LSAMP: variants seen among roughly 807,000 people sequenced by gnomAD.
The protein encoded by LSAMP is limbic system associated membrane protein.
Under a neutral mutation model 38.6 loss-of-function variants are expected in LSAMP, and 7 were observed. The observed-to-expected ratio is 0.18, with a 90% confidence interval of 0.10 to 0.34. The LOEUF is 0.34. Among genes scored for constraint, LSAMP ranks in the 10% least tolerant of loss-of-function variants. LSAMP has a pLI of 1.00. For synonymous variants in LSAMP, 154 were observed against 166.8 expected, an observed-to-expected ratio of 0.92 and a Z score of 0.59; for missense variants, 313 against 420.0, an observed-to-expected ratio of 0.75 and a Z score of 2.23.
At chr3:116,129,846 G>C (rs1442468866) in intron 1 of LSAMP, among the ~76,000 whole-genome samples, 4 of 152,214 alleles carry the variant, frequency 2.6e-5, no homozygotes, top group African/African-American at 9.6e-5. Context: ...CTCTTCTGGA[G>C]GTCAGCCCAG....
chr3:116,167,505 C>T (rs1710088984), intron 1 of LSAMP, among the ~76,000 whole-genome samples: 1 of 151,792 alleles, frequency 6.6e-6, no homozygotes, highest in Non-Finnish European at 1.5e-5. Context: ...TGTAGCTGGC[C>T]TTTCTATCTG....
At chr3:116,386,301 A>G (rs1289235264) in intron 1 of LSAMP, among the ~76,000 whole-genome samples, 17 of 152,088 alleles carry the variant, frequency 1.1e-4, no homozygotes, top group Admixed American at 1.1e-3. Context: ...TCTGACCAGA[A>G]TTTTCTGATT....
intron 3 of LSAMP, among the ~76,000 whole-genome samples, chr3:115,925,553 A>G (rs778846626): frequency 3.9e-5 from 6 of 152,216 alleles, no homozygotes; most frequent in Non-Finnish European, 8.8e-5. Context: ...TAAAAATACT[A>G]TATTTGATAT....
intron 1 of LSAMP, among the ~76,000 whole-genome samples, chr3:116,286,756 T>C (rs1405010619): frequency 6.6e-6 from 1 of 152,070 alleles, no homozygotes; most frequent in African/African-American, 2.4e-5. Flanking sequence ...AAAGCAGAGG[T>C]TTGTTATAAA....
chr3:116,225,293 G>C (rs2046330522), intron 1 of LSAMP, among the ~76,000 whole-genome samples: 1 of 152,150 alleles, frequency 6.6e-6, no homozygotes, highest in Non-Finnish European at 1.5e-5. Flanking sequence ...ACATAGCAGA[G>C]GACATTTTAA....
At chr3:115,979,067 AAG>A (rs1201823648) in intron 3 of LSAMP, among the ~76,000 whole-genome samples, 3 of 152,164 alleles carry the variant, frequency 2.0e-5, no homozygotes, top group Non-Finnish European at 1.5e-5. Flanking sequence ...TGCATGAATA[AAG>A]AGATATTGAA....
intron 1 of LSAMP, among the ~76,000 whole-genome samples, chr3:116,189,571 T>C (rs867950905): frequency 1.3e-5 from 2 of 152,188 alleles, no homozygotes; most frequent in Non-Finnish European, 1.5e-5. Context: ...TCCCAGAAAC[T>C]CAGCCCTGTG....
At chr3:116,165,267 G>A (rs1483406094) in intron 1 of LSAMP, among the ~76,000 whole-genome samples, 2 of 152,142 alleles carry the variant, frequency 1.3e-5, no homozygotes, top group African/African-American at 2.4e-5. Flanking sequence ...CCAGCTATAC[G>A]CTGCAGTTGT....
intron 6 of LSAMP, among the ~76,000 whole-genome samples, chr3:115,815,372 G>T (rs957647961): frequency 6.6e-6 from 1 of 152,092 alleles, no homozygotes; most frequent in South Asian, 2.1e-4. Flanking sequence ...AGGATAAGTG[G>T]GAACTACTAC....
At chr3:116,200,139 T>C (rs2045970334) in intron 1 of LSAMP, among the ~76,000 whole-genome samples, 1 of 151,620 alleles carries the variant, frequency 6.6e-6, no homozygotes, top group Non-Finnish European at 1.5e-5. Flanking sequence ...GCTACATGTA[T>C]AGCAGGAATT....
intron 6 of LSAMP, 34 bp from the exon 7 acceptor site, chr3:115,810,448 T>C (rs374576471): frequency 1.1e-5 from 16 of 1,419,326 alleles, no homozygotes; most frequent in African/African-American, 2.8e-5. Flanking sequence ...AAAAAGAGAA[T>C]GAGTTACATG....
intron 3 of LSAMP, among the ~76,000 whole-genome samples, chr3:115,988,966 T>A (rs1939590607): frequency 6.6e-6 from 1 of 152,038 alleles, no homozygotes; most frequent in Non-Finnish European, 1.5e-5. Flanking sequence ...TATATTCCCT[T>A]CTCACCAATA....
At chr3:116,079,896 CA>C (rs903810622) in intron 2 of LSAMP, among the ~76,000 whole-genome samples, 1 of 151,896 alleles carries the variant, frequency 6.6e-6, no homozygotes, top group African/African-American at 2.4e-5. Context: ...TTTAAGAGTA[CA>C]TTTTTAAGGT....
chr3:115,885,571 G>C (rs1451466353), intron 3 of LSAMP, among the ~76,000 whole-genome samples: 1 of 143,074 alleles, frequency 7.0e-6, no homozygotes, highest in Non-Finnish European at 1.5e-5. Flanking sequence ...TCAGAATCCA[G>C]ACTGGATTCA....
intron 3 of LSAMP, among the ~76,000 whole-genome samples, chr3:115,949,021 A>G (rs1160520600): frequency 2.0e-5 from 3 of 152,056 alleles, no homozygotes; most frequent in African/African-American, 7.2e-5. Context: ...TAATCCCAGC[A>G]CTTTGGGAGG....
intron 1 of LSAMP, among the ~76,000 whole-genome samples, chr3:116,126,210 T>G (rs1417704285): frequency 6.6e-6 from 1 of 152,228 alleles, no homozygotes; most frequent in Non-Finnish European, 1.5e-5. Flanking sequence ...CACTGAATTT[T>G]CTGTTGGCAA....
At chr3:116,020,468 G>T (rs1383248868) in intron 2 of LSAMP, among the ~76,000 whole-genome samples, 3 of 152,164 alleles carry the variant, frequency 2.0e-5, no homozygotes, top group Non-Finnish European at 4.4e-5. Context: ...CATAGAGGGG[G>T]CTAGGTGAGG....
At chr3:115,861,436 G>C (rs1176950419) in intron 3 of LSAMP, among the ~76,000 whole-genome samples, 1 of 151,998 alleles carries the variant, frequency 6.6e-6, no homozygotes, top group Non-Finnish European at 1.5e-5. Flanking sequence ...TTGTTTAACT[G>C]ACGGTGGCTG....
chr3:115,866,851 A>T (rs1040632633), intron 3 of LSAMP, among the ~76,000 whole-genome samples: 23 of 152,082 alleles, frequency 1.5e-4, no homozygotes, highest in African/African-American at 5.3e-4. Context: ...TCCTTTTGCA[A>T]TGCAAATATT....
Sources: allele counts gnomAD v4.1 joint callset (sites outside exome capture counted in the v4.1 genomes callset), GRCh38; gene constraint gnomAD v4.1.1; transcripts MANE v1.5; gene names NCBI Gene and HGNC (gene_info 2026-07-23, HGNC 2026-07-21).